Variants in THAP4 observed in about 807,000 individuals in gnomAD.
The protein encoded by THAP4 is peroxynitrite isomerase THAP4.
THAP4 carries 18 observed loss-of-function variants against 48.1 expected under a neutral mutation model. That is an observed-to-expected ratio of 0.37 (90% CI 0.26 to 0.56). The LOEUF is 0.56. THAP4 is among the 20% of genes least tolerant of loss of function. The pLI is 0.78. For synonymous variants in THAP4, 345 were observed against 324.9 expected (o/e 1.06, Z -0.66); for missense variants, 656 against 774.9 (o/e 0.85, Z 1.82).
At chr2:241,590,649 C>A in intron 5 of THAP4, among the ~76,000 whole-genome samples, 1 of 4,418 alleles carries the variant, frequency 2.3e-4, no homozygotes, top group Non-Finnish European at 5.0e-4. Flanking sequence ...GCCCGGCTGA[C>A]GATGATGGGC....
intron 5 of THAP4, among the ~76,000 whole-genome samples, chr2:241,590,108 C>T (rs62192973): frequency 3.1e-3 from 170 of 54,508 alleles, no homozygotes; most frequent in Non-Finnish European, 3.5e-3. Flanking sequence ...GCTCGGCTGA[C>T]GATGATGGGC....
At chr2:241,598,776 A>AG (rs1484809185) in intron 5 of THAP4, among the ~76,000 whole-genome samples, 1 of 152,154 alleles carries the variant, frequency 6.6e-6, no homozygotes, top group African/African-American at 2.4e-5. Context: ...GAGGAAGACA[A>AG]GGGGGAAAAA....
chr2:241,635,647 G>A (rs557758536), intron 1 of THAP4, among the ~76,000 whole-genome samples: 41 of 152,174 alleles, frequency 2.7e-4, no homozygotes, highest in Non-Finnish European at 5.1e-4. Context: ...GCGCTTGCCT[G>A]TAATCCCAGC....
chr2:241,585,912 C>CAAAAAAAAAAAAAAA (rs1175852721), intron 5 of THAP4, among the ~76,000 whole-genome samples: 51 of 28,250 alleles, frequency 1.8e-3, no homozygotes, highest in East Asian at 6.7e-3. Context: ...GACTCCTTCT[C>CAAAAAAAAAAAAAAA]AAAAAAAAAA....
chr2:241,625,671 G>A (rs1205535992), intron 2 of THAP4, among the ~76,000 whole-genome samples: 3 of 150,672 alleles, frequency 2.0e-5, no homozygotes, highest in African/African-American at 4.9e-5. Context: ...CATGGCGGGC[G>A]CCTGTGGTCC....
intron 2 of THAP4, among the ~76,000 whole-genome samples, chr2:241,613,496 G>C (rs1445808180): frequency 6.6e-6 from 1 of 152,188 alleles, no homozygotes; most frequent in African/African-American, 2.4e-5. Context: ...GCTCATATCT[G>C]TAATCCCAGC....
chr2:241,619,457 T>C (rs899979851), intron 2 of THAP4, among the ~76,000 whole-genome samples: 1 of 152,268 alleles, frequency 6.6e-6, no homozygotes, highest in Non-Finnish European at 1.5e-5. Context: ...TGGCACAGCC[T>C]GTGCTCCCAG....
intron 2 of THAP4, among the ~76,000 whole-genome samples, chr2:241,615,315 C>T: frequency 6.6e-6 from 1 of 152,176 alleles, no homozygotes; most frequent in Middle Eastern, 3.2e-3. Flanking sequence ...TTGTGTTTCA[C>T]TTATGCGAAT....
intron 5 of THAP4, among the ~76,000 whole-genome samples, chr2:241,595,954 C>T (rs113794679): frequency 6.6e-6 from 1 of 152,202 alleles, no homozygotes; most frequent in African/African-American, 2.4e-5. Flanking sequence ...CGATGCTGGG[C>T]AATGGAGCGC....
At chr2:241,603,165 C>T in intron 3 of THAP4, 86 bp from the exon 4 acceptor site, 3 of 1,099,012 alleles carry the variant, frequency 2.7e-6, no homozygotes, top group Non-Finnish European at 4.1e-6. Flanking sequence ...GTCCAGGGTG[C>T]CCTCCAGGTG....
chr2:241,625,797 C>CAAAAAAAAAAAAA (rs147602587), intron 2 of THAP4, among the ~76,000 whole-genome samples: 2 of 50,156 alleles, frequency 4.0e-5, no homozygotes, highest in African/African-American at 9.4e-5. Context: ...GACTCCGTCT[C>CAAAAAAAAAAAAA]AAAAAAAAAA....
chr2:241,627,793 G>A (rs984102267), intron 2 of THAP4, among the ~76,000 whole-genome samples: 1 of 152,044 alleles, frequency 6.6e-6, no homozygotes, highest in East Asian at 1.9e-4. Flanking sequence ...CCACACCCTC[G>A]CTCCTGCCAC....
intron 2 of THAP4, among the ~76,000 whole-genome samples, chr2:241,609,361 A>G (rs1039552194): frequency 7.2e-5 from 11 of 152,264 alleles, no homozygotes; most frequent in African/African-American, 2.7e-4. Context: ...TGAAACAGCA[A>G]AACTCAGTCA....
chr2:241,634,312 C>T lies in THAP4; in HGVS notation c.78-233G>A, dbSNP rs993810623. Reference sequence around the variant, plus strand: ...CATACAGAGCTTATAGTCTGTAGGGCGGATGGGAAAGAAGGTAACCAACTG... The same window carrying T: ...CATACAGAGCTTATAGTCTGTAGGGTGGATGGGAAAGAAGGTAACCAACTG... On this transcript the variant is annotated intron_variant, in intron 1 of 5. Coordinates refer to ENST00000407315, the MANE Select transcript of THAP4 (RefSeq NM_015963.6). 4.6e-5 allele frequency among the ~76,000 whole-genome samples: 7 copies of T among 152,268 alleles called. No individual in the cohort carries two copies. The South Asian group carries it at 6.2e-4, about 14-fold the overall frequency.
upstream of THAP4, chr2:241,637,440 A>T: frequency 6.8e-7 from 1 of 1,471,486 alleles, no homozygotes; most frequent in Non-Finnish European, 9.0e-7. Flanking sequence ...TAAGAGGAGG[A>T]AGCGCCACCC....
At chr2:241,615,079 GA>G (rs1418987716) in intron 2 of THAP4, among the ~76,000 whole-genome samples, 3 of 152,102 alleles carry the variant, frequency 2.0e-5, no homozygotes, top group Non-Finnish European at 4.4e-5. Context: ...GGTGTCCCTT[GA>G]AAACACTGCG....
Position 241,633,736 on chromosome 2 carries a change from A to C in THAP4, c.421T>G (p.Ser141Ala). The change falls in exon 2 of 6, where the codon TCC (serine) becomes GCC (alanine). Residue 141 changes from serine (S) to alanine (A), a missense_variant. Transcript: ENST00000407315. This position sits in a 1 kb window ranked among gnomAD's most constrained non-coding sequence, Gnocchi z 7.5. ...AGAGCAGCTTGCTTCAACCTGCGGG[A>C]CTCTGGCTTGGCCATCGGGTTTCCA... ...SSGNPMAKPE[S>A]RRLKQAALQG... The C allele has an allele frequency of 6.2e-7, 1 of 1,611,472 alleles. No homozygotes were observed. The highest frequency in any genetic ancestry group is 8.5e-7 in the Non-Finnish European group (1 of 1,178,544).
chr2:241,608,313 C>T (rs990013213), intron 2 of THAP4, among the ~76,000 whole-genome samples: 1 of 152,220 alleles, frequency 6.6e-6, no homozygotes, highest in African/African-American at 2.4e-5. Context: ...CATAGGTGAC[C>T]TGAAGCAGGA....
chr2:241,588,503 G>A (rs1360771606), intron 5 of THAP4, among the ~76,000 whole-genome samples: 1 of 152,210 alleles, frequency 6.6e-6, no homozygotes, highest in Non-Finnish European at 1.5e-5. Flanking sequence ...AAGAAGAAAA[G>A]TTGGGTAACT....
Sources: gnomAD v4.1 joint callset for allele counts (sites outside exome capture counted in the v4.1 genomes callset) on GRCh38, gnomAD v4.1.1 for gene constraint, Gnocchi (gnomAD v3.1) non-coding constraint, MANE v1.5 for transcripts, NCBI Gene and HGNC (gene_info 2026-07-23, HGNC 2026-07-21) for gene names.